Variants in CFAP77 observed in about 807,000 individuals in gnomAD.
CFAP77 encodes the protein cilia- and flagella-associated protein 77.
In CFAP77, 25 loss-of-function variants were observed where a neutral mutation model predicts 31.1. The ratio of observed to expected loss-of-function variants is 0.80; its 90% CI spans 0.59 to 1.12. CFAP77 has a LOEUF of 1.12. Among genes scored for constraint, CFAP77 ranks in the 50% most tolerant of loss-of-function variants. The probability of loss-of-function intolerance (pLI) is 0.00; values close to 1 mark genes in which losing one functional copy is unlikely to be tolerated. For missense variants in CFAP77, 377 were observed against 397.3 expected, an observed-to-expected ratio of 0.95 and a Z score of 0.44; for synonymous variants, 151 against 159.9, an observed-to-expected ratio of 0.94 and a Z score of 0.42.
chr9:132,475,644 C>T (rs482275), intron 1 of CFAP77, among the ~76,000 whole-genome samples: 100,899 of 152,108 alleles, frequency 0.66, 34,558 homozygotes, highest in East Asian at 0.85. Flanking sequence ...GGCAGCTTTC[C>T]CTACATCCAA....
chr9:132,534,671 A>G (rs2119048866), intron 3 of CFAP77, among the ~76,000 whole-genome samples: 1 of 151,748 alleles, frequency 6.6e-6, no homozygotes, highest in South Asian at 2.1e-4. Context: ...CCCAGGATGC[A>G]GTTTGTACTA....
chr9:132,513,019 T>A (rs1040822304), intron 3 of CFAP77, among the ~76,000 whole-genome samples: 10 of 152,284 alleles, frequency 6.6e-5, no homozygotes, highest in Admixed American at 2.0e-4. Context: ...TTTTTTAATT[T>A]AAAAAAAATT....
rs1473263732 is a variant in CFAP77 at position 132,479,392 on chromosome 9, CAG to C, written c.196-19300_196-19299del. Among the ~76,000 whole-genome samples, 4 of 152,152 alleles carry C rather than the reference CAG, an allele frequency of 2.6e-5. No homozygotes were observed. In the East Asian group the frequency reaches 7.7e-4, roughly 29 times the overall value. On this transcript the variant is annotated intron_variant, in intron 1 of 5. Transcript: ENST00000393216. ...TCCCATCCTCCCAACCACAGAACCA[CAG>C]AGTTTCCAGTTTTCAGTTTCAGATA...
At position 132,572,764 on chromosome 9, in the gene CFAP77, C is replaced by T. The variant is rs961414601; in HGVS notation, c.*254C>T. 1 of 501,258 alleles carries T rather than the reference C, an allele frequency of 2.0e-6. No homozygotes were observed. Among genetic ancestry groups the T allele is most frequent in the Non-Finnish European group, 3.5e-6 (1 of 285,280 alleles). The allele number at this position is 501,258 out of a possible 1,614,324, so 31.1% of individuals were successfully genotyped here. A position where few individuals can be genotyped will look rare whatever the true frequency, so the allele number is the denominator to read the frequency against. Reference sequence around the variant, plus strand: ...TCTCCTCCTCCTTCTCCTCCTAGGGCAGGCTCACCCTGCCTCTTCTCAAGC... The same window carrying T: ...TCTCCTCCTCCTTCTCCTCCTAGGGTAGGCTCACCCTGCCTCTTCTCAAGC... On this transcript the variant is annotated 3_prime_UTR_variant, in exon 6 of 6. Transcript: ENST00000393216.
At position 132,450,775 on chromosome 9, in the gene CFAP77, T is replaced by C. The variant is rs550832135; in HGVS notation, c.195+40309T>C. Among the ~76,000 whole-genome samples the C allele has an allele frequency of 2.2e-4, 33 of 152,302 alleles. No individual in the cohort carries two copies. The South Asian group carries it at 6.6e-3, about 31-fold the overall frequency. ...ACAGACCTGTCTTTATGCAAGACCA[T>C]GTGGCTGCAGAGAGAGCCCGGATTG... On this transcript the variant is annotated intron_variant, in intron 1 of 5. Coordinates refer to ENST00000393216, the MANE Select transcript of CFAP77 (RefSeq NM_001282957.2).
chr9:132,446,743 C>CA (rs1184310514), intron 1 of CFAP77, among the ~76,000 whole-genome samples: 4,571 of 65,508 alleles, frequency 0.07, 333 homozygotes, highest in African/African-American at 0.2. Context: ...TCCTCCGTCT[C>CA]AAAAAAAAAA....
intron 3 of CFAP77, among the ~76,000 whole-genome samples, chr9:132,529,514 A>C (rs1852396982): frequency 8.5e-6 from 1 of 117,356 alleles, no homozygotes; most frequent in African/African-American, 3.2e-5. Flanking sequence ...TAATAAAAAA[A>C]AAAAACAAAA....
chr9:132,542,258 C>T (rs1442441529), intron 4 of CFAP77, among the ~76,000 whole-genome samples: 1 of 152,234 alleles, frequency 6.6e-6, no homozygotes, highest in Non-Finnish European at 1.5e-5. Flanking sequence ...TCCCCAGCCG[C>T]CTACGCCCCA....
chr9:132,506,811 C>T (rs7021144), intron 3 of CFAP77, among the ~76,000 whole-genome samples: 29,750 of 152,024 alleles, frequency 0.2, 3,120 homozygotes, highest in African/African-American at 0.25. Flanking sequence ...CTTCTATCCC[C>T]GTTTTACAGA....
At chr9:132,542,149 G>A (rs1479123696) in intron 4 of CFAP77, among the ~76,000 whole-genome samples, 1 of 152,210 alleles carries the variant, frequency 6.6e-6, no homozygotes, top group African/African-American at 2.4e-5. Flanking sequence ...ACTCCGCCAG[G>A]CCTCTGTCCC....
At chr9:132,452,023 C>T (rs1215674165) in intron 1 of CFAP77, among the ~76,000 whole-genome samples, 2 of 151,994 alleles carry the variant, frequency 1.3e-5, no homozygotes, top group Admixed American at 6.6e-5. Flanking sequence ...AGGGTGGTCT[C>T]GATCTCCTTG....
intron 1 of CFAP77, among the ~76,000 whole-genome samples, chr9:132,461,787 G>A (rs544684142): frequency 6.6e-6 from 1 of 152,324 alleles, no homozygotes; most frequent in East Asian, 1.9e-4. Flanking sequence ...GTTAAAGACA[G>A]ACAGGCTTCT....
At chr9:132,487,686 GATCACACA>G (rs1851586569) in intron 1 of CFAP77, among the ~76,000 whole-genome samples, 4 of 125,356 alleles carry the variant, frequency 3.2e-5, no homozygotes. Flanking sequence ...ATACGCCTTT[GATCACACA>G]TGGATGTGGT....
At chr9:132,524,343 G>A (rs1270165950) in intron 3 of CFAP77, among the ~76,000 whole-genome samples, 1 of 149,956 alleles carries the variant, frequency 6.7e-6, no homozygotes, top group Non-Finnish European at 1.5e-5. Flanking sequence ...GTTCATGCCT[G>A]CAATCCCAGC....
rs1851854073 is a variant in CFAP77, at chr9:132,501,998, A to G, written c.524+2398A>G. 6.6e-6 allele frequency among the ~76,000 whole-genome samples: 1 copy of G among 152,224 alleles called. No individual in the cohort carries two copies. The highest frequency in any genetic ancestry group is 1.5e-5 in the Non-Finnish European group (1 of 68,044). On this transcript the variant is annotated intron_variant, in intron 3 of 5. Coordinates refer to ENST00000393216, the MANE Select transcript of CFAP77 (RefSeq NM_001282957.2). This position sits in a 1 kb window ranked among gnomAD's most constrained non-coding sequence, Gnocchi z 4.6. ...ACTACACAAGCTGGTCATTAGCACA[A>G]AAATGACCAATATTTGTGCATTGCA...
At chr9:132,469,863 G>T (rs1438210134) in intron 1 of CFAP77, among the ~76,000 whole-genome samples, 1 of 137,174 alleles carries the variant, frequency 7.3e-6, no homozygotes, top group Admixed American at 6.9e-5. Flanking sequence ...TTTTGAGATG[G>T]AGTTTTGCTC....
rs180839110 is a variant in CFAP77, at chr9:132,507,353, T to C, written c.524+7753T>C. On this transcript the variant is annotated intron_variant, in intron 3 of 5. Transcript: ENST00000393216. ...CCACGTGCAACCTGAGTAGCATCCT[T>C]AGATCAGCACTAATTAGCCTGGTCT... is the stretch of plus-strand genomic sequence containing the variant. Among the ~76,000 whole-genome samples, 57 of 152,324 alleles carry C rather than the reference T, an allele frequency of 3.7e-4. 1 individual carries two copies. The highest frequency in any genetic ancestry group is 1.3e-3 in the African/African-American group (53 of 41,574).
rs1351370958 is a variant in CFAP77 at position 132,539,178 on chromosome 9, C to T, written c.630+1472C>T. On this transcript the variant is annotated intron_variant, in intron 4 of 5. Coordinates refer to ENST00000393216, the MANE Select transcript of CFAP77 (RefSeq NM_001282957.2). This position sits in a 1 kb window ranked among gnomAD's most constrained non-coding sequence, Gnocchi z 4.3. ...CGAGCTTTCAGAGAGATCAGATTGG[C>T]CTCCTCGGCAGTAGGTCCAGACTGA... 6.6e-6 allele frequency among the ~76,000 whole-genome samples: 1 copy of T among 152,188 alleles called. No individual in the cohort carries two copies. The highest frequency in any genetic ancestry group is 2.4e-5 in the African/African-American group (1 of 41,438).
intron 3 of CFAP77, among the ~76,000 whole-genome samples, chr9:132,519,804 A>ATGGG (rs1415027949): frequency 4.6e-5 from 5 of 107,654 alleles, no homozygotes; most frequent in Non-Finnish European, 7.6e-5. Context: ...GGATGGATGA[A>ATGGG]TGGGTGGGTG....
Sources: gnomAD v4.1 joint callset for allele counts (sites outside exome capture counted in the v4.1 genomes callset) on GRCh38, gnomAD v4.1.1 for gene constraint, Gnocchi (gnomAD v3.1) non-coding constraint, MANE v1.5 for transcripts, NCBI Gene and HGNC (gene_info 2026-07-23, HGNC 2026-07-21) for gene names.